Variants in CLEC2D observed in about 807,000 individuals in gnomAD.
CLEC2D encodes the protein C-type lectin domain family 2 member D.
CLEC2D carries 16 observed loss-of-function variants against 20.0 expected under a neutral mutation model. The ratio of observed to expected loss-of-function variants is 0.80; its 90% CI spans 0.54 to 1.22. The LOEUF (loss-of-function observed/expected upper bound fraction) is 1.22. CLEC2D is among the 50% of genes most tolerant of loss of function. The pLI, the probability that CLEC2D is intolerant of heterozygous loss-of-function variation, is 0.00. For missense variants in CLEC2D, 207 were observed against 221.5 expected (o/e 0.93, Z 0.42); for synonymous variants, 77 against 71.1 (o/e 1.08, Z -0.42).
At chr12:9,693,226 A>G (rs1001586318) in intron 4 of CLEC2D, 16 of 750,264 alleles carry the variant, frequency 2.1e-5, no homozygotes, top group Admixed American at 1.1e-4. Context: ...TACCTCCACA[A>G]CAAAATTAAA....
intron 2 of CLEC2D, among the ~76,000 whole-genome samples, chr12:9,682,213 A>G (rs1218912126): frequency 6.6e-6 from 1 of 152,042 alleles, no homozygotes; most frequent in Non-Finnish European, 1.5e-5. Context: ...ATGTGTTATT[A>G]TGTATTACTT....
At chr12:9,677,711 T>C (rs201139869) in intron 1 of CLEC2D, among the ~76,000 whole-genome samples, 5 of 27,980 alleles carry the variant, frequency 1.8e-4, no homozygotes, top group East Asian at 1.1e-3. Flanking sequence ...TTCTTTCTTT[T>C]TTTTTTTTTT....
chr12:9,695,849 C>CTGA lies in CLEC2D; in HGVS notation c.*977_*978insATG. 1 of 968,214 alleles carries CTGA rather than the reference C, an allele frequency of 1.0e-6. No individual in the cohort carries two copies. The highest frequency in any genetic ancestry group is 1.6e-6 in the Non-Finnish European group (1 of 607,324). The allele number at this position is 968,214 out of a possible 1,614,324, so 60.0% of individuals were successfully genotyped here. A position where few individuals can be genotyped will look rare whatever the true frequency, so the allele number is the denominator to read the frequency against. On this transcript the variant is annotated 3_prime_UTR_variant, in exon 5 of 5. Coordinates refer to ENST00000290855, the MANE Select transcript of CLEC2D (RefSeq NM_013269.6). Reference sequence around the variant, plus strand: ...GGGCAGAAAAAAGTAAAACTTGCTGCTGCTGCTGATGATGATGATGATGAA... The same window carrying CTGA: ...GGGCAGAAAAAAGTAAAACTTGCTGCTGATGCTGCTGATGATGATGATGATGAA...
chr12:9,694,811 C>T lies in CLEC2D; in HGVS notation c.513C>T (p.Ala171=), dbSNP rs1273681159. ...GTGCCTATTTGAATGACAAAGGTGC[C>T]AGTAGTGCCAGGCACTACACAGAGA... ...GECAYLNDKG[A]SSARHYTERK... The change falls in exon 5 of 5, where the codon GCC becomes GCT. Residue 171 remains alanine, a synonymous_variant. Coordinates refer to ENST00000290855, the MANE Select transcript of CLEC2D (RefSeq NM_013269.6). The T allele has an allele frequency of 6.2e-7, 1 of 1,612,926 alleles. No individual in the cohort carries two copies. The highest frequency in any genetic ancestry group is 2.2e-5 in the East Asian group (1 of 44,848).
intron 1 of CLEC2D, 143 bp downstream of exon 1, chr12:9,669,938 TA>T (rs1865374011): frequency 1.8e-6 from 1 of 569,772 alleles, no homozygotes; most frequent in Non-Finnish European, 3.2e-6. Flanking sequence ...TAAATTGGCT[TA>T]TAATTTGTGT....
At chr12:9,687,235 T>C (rs1034340522) in intron 2 of CLEC2D, among the ~76,000 whole-genome samples, 1 of 152,230 alleles carries the variant, frequency 6.6e-6, no homozygotes, top group Non-Finnish European at 1.5e-5. Context: ...TGGTACCATC[T>C]GTGAGTGATG....
At chr12:9,694,636 C>T in intron 4 of CLEC2D, 124 bp from the exon 5 acceptor site, 1 of 651,526 alleles carries the variant, frequency 1.5e-6, no homozygotes, top group South Asian at 1.8e-5. Context: ...CACCACTACA[C>T]AAGGAAAAAC....
At position 9,672,073 on chromosome 12, in the gene CLEC2D, T is replaced by C. The variant is rs117299066; in HGVS notation, c.61+2278T>C. On this transcript the variant is annotated intron_variant, in intron 1 of 4. Coordinates refer to ENST00000290855, the MANE Select transcript of CLEC2D (RefSeq NM_013269.6). ...GGTAATTTATAATGAACAAAATCTA[T>C]TGGCTCATAGTTCTGGAGGCTGGAA... Among the ~76,000 whole-genome samples, 425 of 152,310 alleles carry C rather than the reference T, an allele frequency of 2.8e-3. 1 individual carries two copies. Among genetic ancestry groups the C allele is most frequent in the Non-Finnish European group, 4.7e-3 (319 of 68,024 alleles).
In CLEC2D at chr12:9,696,146, A is replaced by C. The variant is rs1865988559; in HGVS notation, c.*1272A>C. ...GGTTCTCTTCCCAAAGTGGAAACCA[A>C]GTTCATCAATTATGTGAAGAATTTC... On this transcript the variant is annotated 3_prime_UTR_variant, in exon 5 of 5. Transcript: ENST00000290855. 2.2e-6 allele frequency: 2 copies of C among 909,634 alleles called. No individual in the cohort carries two copies. 56.3% of individuals were successfully genotyped at this position (909,634 alleles called of 1,614,324 possible). A position where few individuals can be genotyped will look rare whatever the true frequency, so the allele number is the denominator to read the frequency against.
chr12:9,688,490 G>A (rs1238283323), intron 3 of CLEC2D, among the ~76,000 whole-genome samples: 1 of 152,188 alleles, frequency 6.6e-6, no homozygotes, highest in Admixed American at 6.5e-5. Context: ...GGCCAAGGCG[G>A]GTGTATCACT....
chr12:9,684,392 C>T (rs1290780697), intron 2 of CLEC2D, among the ~76,000 whole-genome samples: 1 of 152,156 alleles, frequency 6.6e-6, no homozygotes, highest in Non-Finnish European at 1.5e-5. Flanking sequence ...TACCTGATTG[C>T]CCTGACTAGA....
At chr12:9,688,943 A>T (rs1386488994) in intron 3 of CLEC2D, among the ~76,000 whole-genome samples, 1 of 152,238 alleles carries the variant, frequency 6.6e-6, no homozygotes, top group Non-Finnish European at 1.5e-5. Context: ...GGTGAATTTC[A>T]GCCTTTCCAC....
intron 3 of CLEC2D, among the ~76,000 whole-genome samples, chr12:9,689,259 TAACAG>T (rs1291552727): frequency 6.6e-6 from 1 of 152,032 alleles, no homozygotes; most frequent in Non-Finnish European, 1.5e-5. Context: ...ACAGCAGAGA[TAACAG>T]AACAGAGATT....
At chr12:9,671,889 TTTTTG>T (rs1865432413) in intron 1 of CLEC2D, among the ~76,000 whole-genome samples, 1 of 152,222 alleles carries the variant, frequency 6.6e-6, no homozygotes, top group African/African-American at 2.4e-5. Context: ...CTTTTGCTCT[TTTTTG>T]TTTTGTTTAA....
At chr12:9,678,215 G>A (rs888034450) in intron 1 of CLEC2D, among the ~76,000 whole-genome samples, 1 of 152,190 alleles carries the variant, frequency 6.6e-6, no homozygotes, top group Middle Eastern at 3.4e-3. Context: ...ATACCATTAT[G>A]CAATGCTTTT....
chr12:9,677,707 C>CTTTTTTTTTTTTT (rs36120151), intron 1 of CLEC2D, among the ~76,000 whole-genome samples: 126 of 122,364 alleles, frequency 1.0e-3, no homozygotes, highest in Non-Finnish European at 1.1e-3. Flanking sequence ...TTCTTTCTTT[C>CTTTTTTTTTTTTT]TTTTTTTTTT....
At chr12:9,682,443 C>T (rs147017995) in intron 2 of CLEC2D, among the ~76,000 whole-genome samples, 91 of 152,066 alleles carry the variant, frequency 6.0e-4, no homozygotes, top group Non-Finnish European at 9.6e-4. Context: ...TAGGTATACA[C>T]GTGCCATGGT....
intron 2 of CLEC2D, among the ~76,000 whole-genome samples, chr12:9,685,628 C>T (rs1865732332): frequency 2.0e-5 from 3 of 152,214 alleles, no homozygotes; most frequent in Admixed American, 6.5e-5. Context: ...CCAGTCCGAA[C>T]TTCCCCCAGG....
chr12:9,684,340 T>G (rs1476367920), intron 2 of CLEC2D, among the ~76,000 whole-genome samples: 1 of 152,214 alleles, frequency 6.6e-6, no homozygotes, highest in Admixed American at 6.5e-5. Flanking sequence ...TAATTTGACT[T>G]CCTCTCTTCC....
Sources: gnomAD v4.1 joint callset for allele counts (sites outside exome capture counted in the v4.1 genomes callset) on GRCh38, gnomAD v4.1.1 for gene constraint, MANE v1.5 for transcripts, NCBI Gene and HGNC (gene_info 2026-07-23, HGNC 2026-07-21) for gene names.